Variants in GHR observed in about 807,000 individuals in gnomAD.
GHR encodes growth hormone receptor.
In GHR, 35 loss-of-function variants were observed where a neutral mutation model predicts 67.1. The ratio of observed to expected loss-of-function variants is 0.52; its 90% CI spans 0.40 to 0.69. The LOEUF is 0.69. GHR is among the 30% of genes least tolerant of loss of function. The probability of loss-of-function intolerance (pLI) is 0.00; values close to 1 mark genes in which losing one functional copy is unlikely to be tolerated. For missense variants in GHR, 792 were observed against 764.6 expected (o/e 1.04, Z -0.42); for synonymous variants, 272 against 269.1 (o/e 1.01, Z -0.10).
At chr5:42,683,245 C>T (rs1756976622) in intron 3 of GHR, among the ~76,000 whole-genome samples, 1 of 152,162 alleles carries the variant, frequency 6.6e-6, no homozygotes, top group Admixed American at 6.5e-5. Flanking sequence ...CATGATCCAC[C>T]TACCTCAGCC....
chr5:42,626,640 C>G (rs1029515727), intron 2 of GHR, among the ~76,000 whole-genome samples: 1 of 152,144 alleles, frequency 6.6e-6, no homozygotes, highest in African/African-American at 2.4e-5. Flanking sequence ...TTCCTGTGAC[C>G]ATGCCCCATC....
intron 1 of GHR, among the ~76,000 whole-genome samples, chr5:42,483,074 CTCTT>C (rs1268156247): frequency 2.0e-5 from 3 of 152,212 alleles, no homozygotes; most frequent in Non-Finnish European, 2.9e-5. Context: ...CACTTACTCT[CTCTT>C]TATTTTTTGA....
chr5:42,603,164 A>C (rs1353129400), intron 2 of GHR, among the ~76,000 whole-genome samples: 1 of 151,444 alleles, frequency 6.6e-6, no homozygotes, highest in Non-Finnish European at 1.5e-5. Context: ...TTTTTTCAGC[A>C]CTTGGAATAT....
chr5:42,665,133 C>A (rs923880130), intron 3 of GHR, among the ~76,000 whole-genome samples: 1 of 152,158 alleles, frequency 6.6e-6, no homozygotes, highest in Non-Finnish European at 1.5e-5. Flanking sequence ...AATAGGAACA[C>A]TTTTACACTG....
chr5:42,714,040 A>G (rs369656395), intron 8 of GHR: 1 of 155,978 alleles, frequency 6.4e-6, no homozygotes, highest in African/African-American at 2.4e-5. Flanking sequence ...CAGCCTCCAG[A>G]GTAGCTGGGA....
intron 1 of GHR, among the ~76,000 whole-genome samples, chr5:42,447,407 T>G (rs1743851632): frequency 6.6e-6 from 1 of 152,232 alleles, no homozygotes; most frequent in Admixed American, 6.5e-5. Context: ...TGGTTTTCCA[T>G]TCCTGAGTTA....
At chr5:42,673,938 A>G (rs1029353248) in intron 3 of GHR, among the ~76,000 whole-genome samples, 3 of 152,148 alleles carry the variant, frequency 2.0e-5, no homozygotes, top group Non-Finnish European at 2.9e-5. Flanking sequence ...TGAAATTACA[A>G]TTTTTAAAAG....
chr5:42,473,320 T>C (rs907623574), intron 1 of GHR, among the ~76,000 whole-genome samples: 4 of 152,136 alleles, frequency 2.6e-5, no homozygotes, highest in African/African-American at 9.7e-5. Flanking sequence ...AACCTCCGCC[T>C]CCCAGGTTCA....
intron 3 of GHR, chr5:42,659,499 C>T (rs369342480): frequency 1.3e-5 from 2 of 152,264 alleles, no homozygotes; most frequent in Admixed American, 6.5e-5. Context: ...GGAAGGTAGA[C>T]CAAAGGGAAA....
intron 3 of GHR, among the ~76,000 whole-genome samples, chr5:42,681,169 C>T (rs1756847051): frequency 6.6e-6 from 1 of 151,686 alleles, no homozygotes. Flanking sequence ...GCAGAGTGAA[C>T]AGGCAACCTA....
chr5:42,572,613 C>T (rs1750392062), intron 2 of GHR, among the ~76,000 whole-genome samples: 1 of 152,212 alleles, frequency 6.6e-6, no homozygotes, highest in Non-Finnish European at 1.5e-5. Context: ...GCCTCAGCTG[C>T]AAATCCATTT....
At position 42,439,251 on chromosome 5, in the gene GHR, G is replaced by T. The variant is rs535121130; in HGVS notation, c.-12+15296G>T. ...CATAGATAGCATTTTGAACTTTTAA[G>T]AAATCCTCATGGGAAAACTCAGGAA... On this transcript the variant is annotated intron_variant, in intron 1 of 9. Coordinates refer to ENST00000230882, the MANE Select transcript of GHR (RefSeq NM_000163.5). 4.6e-5 allele frequency among the ~76,000 whole-genome samples: 7 copies of T among 152,288 alleles called. No homozygotes were observed. The South Asian group carries it at 1.0e-3, about 23-fold the overall frequency.
chr5:42,528,511 C>T (rs1747809578), intron 1 of GHR, among the ~76,000 whole-genome samples: 1 of 152,162 alleles, frequency 6.6e-6, no homozygotes, highest in Non-Finnish European at 1.5e-5. Flanking sequence ...GATGAGGAAT[C>T]ACTTCTTATG....
At chr5:42,575,379 G>A (rs1398354351) in intron 2 of GHR, among the ~76,000 whole-genome samples, 1 of 152,132 alleles carries the variant, frequency 6.6e-6, no homozygotes, top group Non-Finnish European at 1.5e-5. Context: ...GTAGGATGCT[G>A]AGACAAGGAT....
At chr5:42,488,091 T>C (rs1157649812) in intron 1 of GHR, among the ~76,000 whole-genome samples, 1 of 152,216 alleles carries the variant, frequency 6.6e-6, no homozygotes, top group Non-Finnish European at 1.5e-5. Flanking sequence ...TCCTGTCTCC[T>C]TTTCCTTCAG....
intron 2 of GHR, among the ~76,000 whole-genome samples, chr5:42,626,102 G>A (rs528972753): frequency 1.8e-4 from 27 of 152,212 alleles, no homozygotes; most frequent in South Asian, 1.2e-3. Flanking sequence ...CTTAGTCCTC[G>A]GTGGGAATCT....
intron 6 of GHR, among the ~76,000 whole-genome samples, chr5:42,703,349 A>G (rs1259584778): frequency 6.6e-6 from 1 of 152,066 alleles, no homozygotes; most frequent in Non-Finnish European, 1.5e-5. Flanking sequence ...CCTTTGTGAT[A>G]AATCAATTTA....
chr5:42,536,868 A>T (rs913868224), intron 1 of GHR, among the ~76,000 whole-genome samples: 1 of 151,778 alleles, frequency 6.6e-6, no homozygotes, highest in African/African-American at 2.4e-5. Context: ...AGGTTATCTA[A>T]TTTTTCCTGA....
intron 1 of GHR, among the ~76,000 whole-genome samples, chr5:42,544,072 T>C (rs887975146): frequency 6.6e-6 from 1 of 152,260 alleles, no homozygotes; most frequent in Non-Finnish European, 1.5e-5. Flanking sequence ...TCTCAAAACC[T>C]AGGGAAGCTT....
Sources: gnomAD v4.1 joint callset for allele counts (sites outside exome capture counted in the v4.1 genomes callset) on GRCh38, gnomAD v4.1.1 for gene constraint, MANE v1.5 for transcripts, NCBI Gene and HGNC (gene_info 2026-07-23, HGNC 2026-07-21) for gene names.